Variants in RNASE4 observed in about 807,000 individuals in gnomAD.
RNASE4 encodes ribonuclease 4.
For missense variants in RNASE4, 194 were observed against 192.8 expected (o/e 1.01, Z -0.04); for synonymous variants, 93 against 71.4 (o/e 1.30, Z -1.52).
rs564314743 is a variant in RNASE4, at chr14:20,689,671, CT to C, written c.-18+4916del. Among the ~76,000 whole-genome samples the C allele has an allele frequency of 2.2e-4, 33 of 152,284 alleles. No homozygotes were observed. In the South Asian group the frequency reaches 4.1e-3, roughly 19 times the overall value. On this transcript the variant is annotated intron_variant, in intron 1 of 1. Transcript: ENST00000555835. Reference sequence around the variant, plus strand: ...GTGGCTCACACCTGTAATCCCCGCACTTTGGGAAGCCGAGGTAGCCGGATCA... The same window carrying C: ...GTGGCTCACACCTGTAATCCCCGCACTTGGGAAGCCGAGGTAGCCGGATCA...
At chr14:20,690,538 G>C (rs887813715) in intron 1 of RNASE4, among the ~76,000 whole-genome samples, 1 of 152,160 alleles carries the variant, frequency 6.6e-6, no homozygotes, top group African/African-American at 2.4e-5. Flanking sequence ...GGTGGTTTTG[G>C]TGTACGCTTG....
intron 1 of RNASE4, among the ~76,000 whole-genome samples, chr14:20,692,722 C>A (rs1391492450): frequency 1.3e-5 from 2 of 152,216 alleles, no homozygotes; most frequent in Non-Finnish European, 2.9e-5. Context: ...ATGTTAGAGA[C>A]CACTCCCCTA....
rs76478018 is a variant in RNASE4 at position 20,687,417 on chromosome 14, C to T, written c.-18+2659C>T. Among the ~76,000 whole-genome samples, 1,325 of 152,332 alleles carry T rather than the reference C, an allele frequency of 8.7e-3. 9 individuals are homozygous for T. Among genetic ancestry groups the T allele is most frequent in the Middle Eastern group, 0.034 (10 of 294 alleles). On this transcript the variant is annotated intron_variant, in intron 1 of 1. Transcript: ENST00000555835. ...CAGCACTACTGCAGAACTCTAAAAT[C>T]AGAGGCTGCTCTGTTTGTGTGAGTC... is the stretch of plus-strand genomic sequence containing the variant.
At chr14:20,692,093 A>C (rs531157480) in intron 1 of RNASE4, among the ~76,000 whole-genome samples, 2 of 152,374 alleles carry the variant, frequency 1.3e-5, no homozygotes, top group Admixed American at 1.3e-4. Context: ...CACAAAATAA[A>C]AAATTAATAA....
At position 20,701,017 on chromosome 14, in the gene RNASE4, A is replaced by G. The variant is rs1041227314; in HGVS notation, c.*1202A>G. The G allele has an allele frequency of 6.6e-6, 1 of 152,124 alleles. No homozygotes were observed. The highest frequency in any genetic ancestry group is 1.5e-5 in the Non-Finnish European group (1 of 68,024). 9.4% of individuals were successfully genotyped at this position (152,124 alleles called of 1,614,324 possible). A position where few individuals can be genotyped will look rare whatever the true frequency, so the allele number is the denominator to read the frequency against. Reference sequence around the variant, plus strand: ...CTTGTGACATTCCTTCTCCTGGACAATTAGACTCAGGAGCTCCCCACCAGA... The same window carrying G: ...CTTGTGACATTCCTTCTCCTGGACAGTTAGACTCAGGAGCTCCCCACCAGA... On this transcript the variant is annotated 3_prime_UTR_variant, in exon 2 of 2. Coordinates refer to ENST00000555835, the MANE Select transcript of RNASE4 (RefSeq NM_002937.5).
chr14:20,690,332 C>T (rs1886679104), intron 1 of RNASE4, among the ~76,000 whole-genome samples: 1 of 150,772 alleles, frequency 6.6e-6, no homozygotes, highest in Non-Finnish European at 1.5e-5. Context: ...TGTTTGGGTA[C>T]AGAAGGATAT....
chr14:20,692,013 T>C (rs1205631745), intron 1 of RNASE4, among the ~76,000 whole-genome samples: 1 of 152,206 alleles, frequency 6.6e-6, no homozygotes, highest in African/African-American at 2.4e-5. Context: ...TTGTACAACA[T>C]TGGTGCTTCC....
chr14:20,694,988 G>C (rs1275420845), intron 1 of RNASE4, among the ~76,000 whole-genome samples: 6 of 152,050 alleles, frequency 3.9e-5, no homozygotes, highest in Non-Finnish European at 7.4e-5. Flanking sequence ...ATGCTCCCAG[G>C]ATATTCTCTT....
Position 20,699,398 on chromosome 14 carries a change from G to T in RNASE4, c.27G>T (p.Leu9Phe). Residue 9 changes from leucine (L) to phenylalanine (F), a missense_variant, in exon 2 of 2, where the codon TTG (leucine) becomes TTT (phenylalanine). Physicochemically the swap from Leu to Phe is conservative, Grantham distance 22. Coordinates refer to ENST00000555835, the MANE Select transcript of RNASE4 (RefSeq NM_002937.5). MALQRTHS[L>F]LLLLLLTLLG... is the part of the protein sequence containing the mutation. ...TGGCTCTGCAGAGGACCCATTCATT[G>T]CTTCTGCTTTTGCTGCTGACCCTGC... 1 of 1,606,052 alleles carries T rather than the reference G, an allele frequency of 6.2e-7. No homozygotes were observed.
At chr14:20,689,527 T>A (rs1886596847) in intron 1 of RNASE4, among the ~76,000 whole-genome samples, 3 of 152,338 alleles carry the variant, frequency 2.0e-5, no homozygotes, top group African/African-American at 4.8e-5. Flanking sequence ...ATTTGATGAA[T>A]CTTTTGAATA....
chr14:20,691,659 C>T (rs977079812), intron 1 of RNASE4, among the ~76,000 whole-genome samples: 5 of 152,208 alleles, frequency 3.3e-5, no homozygotes, highest in Non-Finnish European at 7.3e-5. Flanking sequence ...GGACAAATGT[C>T]GGTGCGGACA....
chr14:20,693,156 T>C (rs1886888404), intron 1 of RNASE4, among the ~76,000 whole-genome samples: 1 of 152,248 alleles, frequency 6.6e-6, no homozygotes, highest in Non-Finnish European at 1.5e-5. Context: ...CGTCATTTGG[T>C]ATGTCTTAAT....
At chr14:20,696,029 T>G (rs549055455) in intron 1 of RNASE4, among the ~76,000 whole-genome samples, 6 of 152,336 alleles carry the variant, frequency 3.9e-5, no homozygotes, top group Non-Finnish European at 7.4e-5. Context: ...GGCCCTTTTC[T>G]CAAGTTCTCC....
At chr14:20,685,731 G>T (rs540202898) in intron 1 of RNASE4, among the ~76,000 whole-genome samples, 2 of 152,240 alleles carry the variant, frequency 1.3e-5, no homozygotes, top group Admixed American at 6.5e-5. Flanking sequence ...TGTCTAGAAA[G>T]TACTAGTATG....
rs190017766 is a variant in RNASE4, at chr14:20,695,327, G to A, written c.-17-4028G>A. ...GGAGAATCGCTTGAACCTAGGAGGCGGAGGTTGCACTGAGCCGAGATCACG... is the reference window on the plus strand; with the variant it reads ...GGAGAATCGCTTGAACCTAGGAGGCAGAGGTTGCACTGAGCCGAGATCACG... On this transcript the variant is annotated intron_variant, in intron 1 of 1. Coordinates refer to ENST00000555835, the MANE Select transcript of RNASE4 (RefSeq NM_002937.5). Among the ~76,000 whole-genome samples, 906 of 151,266 alleles carry A rather than the reference G, an allele frequency of 6.0e-3. 5 individuals are homozygous for A. The highest frequency in any genetic ancestry group is 9.9e-3 in the Non-Finnish European group (670 of 67,862).
At chr14:20,690,353 C>T (rs1886681124) in intron 1 of RNASE4, among the ~76,000 whole-genome samples, 1 of 151,542 alleles carries the variant, frequency 6.6e-6, no homozygotes. Context: ...ATCTATAGGA[C>T]TTTTGCCACC....
Position 20,696,427 on chromosome 14 carries a change from T to C in RNASE4, c.-17-2928T>C, listed in dbSNP as rs1887097169. 2.0e-5 allele frequency among the ~76,000 whole-genome samples: 3 copies of C among 152,284 alleles called. No homozygotes were observed. The South Asian group carries it at 6.2e-4, about 32-fold the overall frequency. On this transcript the variant is annotated intron_variant, in intron 1 of 1. Transcript: ENST00000555835. The stretch of plus-strand genomic sequence containing the variant: ...ATCCTGCGTGAATCAATTGAAGAAT[T>C]GAAGTCCTGGTCAGCTGTGATTGTT...
chr14:20,693,477 C>T, intron 1 of RNASE4: 1 of 1,587,044 alleles, frequency 6.3e-7, no homozygotes, highest in Non-Finnish European at 8.6e-7. Context: ...GAGAGCAAAG[C>T]TCCTGTCCTT....
At chr14:20,694,878 A>ACG in intron 1 of RNASE4, among the ~76,000 whole-genome samples, 1 of 152,198 alleles carries the variant, frequency 6.6e-6, no homozygotes, top group East Asian at 1.9e-4. Context: ...ACACACACAC[A>ACG]CACACATATA....
Sources: allele counts gnomAD v4.1 joint callset (sites outside exome capture counted in the v4.1 genomes callset), GRCh38; gene constraint gnomAD v4.1.1; transcripts MANE v1.5; gene names NCBI Gene and HGNC (gene_info 2026-07-23, HGNC 2026-07-21).